GYS1: variants seen among roughly 807,000 people sequenced by gnomAD.
GYS1 encodes glycogen synthase 1, also known as glycogen [starch] synthase, muscle.
A neutral mutation model predicts 89.1 loss-of-function variants in GYS1; 60 were observed. That is an observed-to-expected ratio of 0.67 (90% confidence interval 0.55 to 0.84). GYS1 has a LOEUF of 0.84. Among genes scored for constraint, GYS1 ranks in the 40% least tolerant of loss-of-function variants. The pLI is 0.00. For missense variants in GYS1, 888 were observed against 1,003.1 expected (o/e 0.89, Z 1.55); for synonymous variants, 366 against 401.7 (o/e 0.91, Z 1.06).
intron 2 of GYS1, among the ~76,000 whole-genome samples, chr19:48,988,624 T>G (rs975538103): frequency 1.8e-4 from 28 of 152,146 alleles, no homozygotes; most frequent in Non-Finnish European, 3.4e-4. Context: ...AGGCCCTTTT[T>G]TATTTTCAGA....
intron 3 of GYS1, 123 bp from the exon 4 acceptor site, chr19:48,986,158 G>A (rs1449803591): frequency 1.2e-6 from 1 of 849,488 alleles, no homozygotes; most frequent in African/African-American, 1.7e-5. Flanking sequence ...AGAGTGGGCA[G>A]CGGCCCACTG....
intron 1 of GYS1, 148 bp downstream of exon 1, chr19:48,992,847 G>A (rs2038959879): frequency 9.1e-6 from 6 of 660,314 alleles, no homozygotes; most frequent in South Asian, 4.7e-5. Flanking sequence ...ACCCACCTCC[G>A]GCTTCCCAGC....
intron 14 of GYS1, 75 bp downstream of exon 14, chr19:48,970,471 C>T (rs547918969): frequency 4.0e-6 from 5 of 1,255,230 alleles, no homozygotes; most frequent in Admixed American, 3.4e-5. Context: ...GGATGAGACC[C>T]TGCACCCTGC....
chr19:48,988,031 C>T (rs1016045416), intron 2 of GYS1, among the ~76,000 whole-genome samples: 1 of 152,130 alleles, frequency 6.6e-6, no homozygotes, highest in African/African-American at 2.4e-5. Context: ...CTCCATTTCC[C>T]GACCTTGTGA....
intron 14 of GYS1, 149 bp downstream of exon 14, chr19:48,970,395 CAA>C: frequency 1.4e-6 from 1 of 700,978 alleles, no homozygotes; most frequent in Non-Finnish European, 2.5e-6. Flanking sequence ...GCTGGGATTA[CAA>C]CCATGAGCCA....
chr19:48,987,925 C>T (rs946205452), intron 2 of GYS1, among the ~76,000 whole-genome samples: 17 of 152,066 alleles, frequency 1.1e-4, no homozygotes, highest in African/African-American at 2.4e-4. Flanking sequence ...CTCAGCCTCC[C>T]GAGTAGCTGG....
At position 48,991,515 on chromosome 19, in the gene GYS1, G is replaced by A. The variant is rs200840259; in HGVS notation, c.119-32C>T. The A allele has an allele frequency of 1.5e-5, 24 of 1,612,716 alleles. No individual in the cohort carries two copies. The highest frequency in any genetic ancestry group is 9.9e-5 in the South Asian group (9 of 91,068). On this transcript the variant is annotated intron_variant, in intron 1 of 15. Coordinates refer to ENST00000323798, the MANE Select transcript of GYS1 (RefSeq NM_002103.5). This position sits in a 1 kb window ranked among gnomAD's most constrained non-coding sequence, Gnocchi z 4.7. ...GCCCAAGCGTGTGAGGGCAGGCCCCGGCCGAGGTCCATAGTTCTGGGGCCT... is the reference window on the plus strand; with the variant it reads ...GCCCAAGCGTGTGAGGGCAGGCCCCAGCCGAGGTCCATAGTTCTGGGGCCT...
intron 5 of GYS1, 98 bp from the exon 6 acceptor site, chr19:48,982,935 AT>A (rs2038789467): frequency 7.4e-6 from 7 of 943,512 alleles, no homozygotes; most frequent in South Asian, 2.6e-5. Context: ...GCCTTTTGCA[AT>A]TTTTTTGTTT....
At chr19:48,973,445 A>C (rs2038596537) in intron 12 of GYS1, among the ~76,000 whole-genome samples, 1 of 151,944 alleles carries the variant, frequency 6.6e-6, no homozygotes, top group Admixed American at 6.6e-5. Context: ...TCATGCAAGC[A>C]CAGTTTGCAG....
At chr19:48,977,896 T>C (rs1257426890) in intron 10 of GYS1, 28 bp downstream of exon 10, 2 of 1,575,652 alleles carry the variant, frequency 1.3e-6, no homozygotes, top group South Asian at 1.1e-5. Flanking sequence ...GGAACTGCTA[T>C]CTCTCTGCAC....
At chr19:48,985,385 G>T (rs2038825890) in intron 5 of GYS1, 76 bp downstream of exon 5, 3 of 1,472,702 alleles carry the variant, frequency 2.0e-6, no homozygotes, top group African/African-American at 2.8e-5. Flanking sequence ...GGGCTTCTTG[G>T]GCTGAGGAGC....
At chr19:48,989,252 C>T (rs962848111) in intron 2 of GYS1, among the ~76,000 whole-genome samples, 3 of 151,690 alleles carry the variant, frequency 2.0e-5, no homozygotes, top group Non-Finnish European at 2.9e-5. Flanking sequence ...GGGGCCGAGG[C>T]GGGCGGATTG....
chr19:48,976,015 A>T (rs1401316083), intron 10 of GYS1, among the ~76,000 whole-genome samples: 1 of 151,932 alleles, frequency 6.6e-6, no homozygotes, highest in African/African-American at 2.4e-5. Flanking sequence ...GGAGCAAGAC[A>T]GAGCTAGTGT....
rs778151650 is a variant in GYS1, at chr19:48,970,713, T to G, written c.1646-4A>C. ...CGCCGGTCAAGAATGTAGATACCTGTGGAGGCCAGGACCCAGGTTCAGAAA... is the reference window on the plus strand; with the variant it reads ...CGCCGGTCAAGAATGTAGATACCTGGGGAGGCCAGGACCCAGGTTCAGAAA... On this transcript the variant is annotated splice_polypyrimidine_tract_variant and splice_region_variant and intron_variant, in intron 13 of 15. Transcript: ENST00000323798. The G allele has an allele frequency of 1.2e-6, 2 of 1,613,532 alleles. No homozygotes were observed. The highest frequency in any genetic ancestry group is 1.7e-6 in the Non-Finnish European group (2 of 1,179,732).
At chr19:48,974,191 G>A in intron 12 of GYS1, 22 bp downstream of exon 12, 1 of 1,581,012 alleles carries the variant, frequency 6.3e-7, no homozygotes, top group Non-Finnish European at 8.6e-7. Context: ...TGACCACGCT[G>A]TCCCCTGCCC....
intron 12 of GYS1, among the ~76,000 whole-genome samples, chr19:48,972,255 T>C (rs1467368319): frequency 6.6e-6 from 1 of 151,790 alleles, no homozygotes; most frequent in African/African-American, 2.4e-5. Context: ...GGAGAATCAC[T>C]TGAACCCGGG....
chr19:48,980,810 T>C lies in GYS1; in HGVS notation c.1169+720A>G, dbSNP rs185229844. On this transcript the variant is annotated intron_variant, in intron 8 of 15. Coordinates refer to ENST00000323798, the MANE Select transcript of GYS1 (RefSeq NM_002103.5). ...GCCTGGCCAACATGGTGAAACCCCA[T>C]CTCTACTAAAAATACAAAAAAAGGC... is the stretch of plus-strand genomic sequence containing the variant. Among the ~76,000 whole-genome samples, 117 of 152,038 alleles carry C rather than the reference T, an allele frequency of 7.7e-4. 1 individual carries two copies. Among genetic ancestry groups the C allele is most frequent in the African/African-American group, 2.7e-3 (114 of 41,476 alleles).
chr19:48,981,320 GA>G lies in GYS1; in HGVS notation c.1169+209del, dbSNP rs1352130715. On this transcript the variant is annotated intron_variant, in intron 8 of 15. Coordinates refer to ENST00000323798, the MANE Select transcript of GYS1 (RefSeq NM_002103.5). ...CCCAGCTACTCGAGAGGCTGAGGCA[GA>G]TGACTTGCTTGAACCCAGGAGGTGG... 5 of 563,024 alleles carry G rather than the reference GA, an allele frequency of 8.9e-6. No individual in the cohort carries two copies. The African/African-American group carries it at 9.4e-5, about 11-fold the overall frequency. The allele number at this position is 563,024 out of a possible 1,614,324, so 34.9% of individuals were successfully genotyped here.
At chr19:48,970,766 C>T in intron 13 of GYS1, 57 bp from the exon 14 acceptor site, 2 of 1,568,124 alleles carry the variant, frequency 1.3e-6, no homozygotes, top group Non-Finnish European at 1.8e-6. Flanking sequence ...TCATGGTCTC[C>T]AGGACTCTGT....
Sources: allele counts gnomAD v4.1 joint callset (sites outside exome capture counted in the v4.1 genomes callset), GRCh38; gene constraint gnomAD v4.1.1; non-coding constraint Gnocchi (gnomAD v3.1); transcripts MANE v1.5; gene names NCBI Gene and HGNC (gene_info 2026-07-23, HGNC 2026-07-21).